The following MAT2B variants were observed in gnomAD, a reference collection of about 807,000 sequenced individuals.
MAT2B encodes the protein methionine adenosyltransferase 2 non-catalytic beta subunit.
MAT2B carries 16 observed loss-of-function variants against 36.1 expected under a neutral mutation model. That is an observed-to-expected ratio of 0.44 (90% CI 0.30 to 0.67). The LOEUF (loss-of-function observed/expected upper bound fraction) is 0.67. Ranked by LOEUF, MAT2B falls within the 30% of genes least tolerant of loss-of-function variation. The pLI is 0.09. For missense variants in MAT2B, 332 were observed against 398.2 expected (o/e 0.83, Z 1.42); for synonymous variants, 148 against 136.9 (o/e 1.08, Z -0.57).
At chr5:163,514,958 A>C (rs1228100145) in intron 4 of MAT2B, among the ~76,000 whole-genome samples, 3 of 152,222 alleles carry the variant, frequency 2.0e-5, no homozygotes, top group Non-Finnish European at 4.4e-5. Flanking sequence ...TGAGAAGTCC[A>C]AGATCAAGGT....
At chr5:163,513,309 G>GT (rs1760079547) in intron 2 of MAT2B, 1 of 354,980 alleles carries the variant, frequency 2.8e-6, no homozygotes, top group Non-Finnish European at 5.2e-6. Flanking sequence ...GTTGTTGACA[G>GT]TTTTTTTCCT....
rs1302988987 is a variant in MAT2B at position 163,518,977 on chromosome 5, T to C, written c.*614T>C. The C allele has an allele frequency of 2.0e-5, 3 of 152,640 alleles. No homozygotes were observed. Among genetic ancestry groups the C allele is most frequent in the African/African-American group, 7.2e-5 (3 of 41,462 alleles). 9.5% of individuals were successfully genotyped at this position (152,640 alleles called of 1,614,324 possible). A position where few individuals can be genotyped will look rare whatever the true frequency, so the allele number is the denominator to read the frequency against. On this transcript the variant is annotated 3_prime_UTR_variant, in exon 7 of 7. Coordinates refer to ENST00000321757, the MANE Select transcript of MAT2B (RefSeq NM_013283.5). ...AGCGTGTGTACATGTATTTTTTTTCTAGGCAAACATTGAATGCAAACGTGT... is the reference window on the plus strand; with the variant it reads ...AGCGTGTGTACATGTATTTTTTTTCCAGGCAAACATTGAATGCAAACGTGT...
chr5:163,503,654 C>T (rs943756765), upstream of MAT2B, among the ~76,000 whole-genome samples: 1 of 152,166 alleles, frequency 6.6e-6, no homozygotes, highest in Admixed American at 6.5e-5. Context: ...GCTGACAATA[C>T]AGAATTGCAC....
intron 2 of MAT2B, 164 bp downstream of exon 2, chr5:163,512,360 C>G: frequency 4.7e-6 from 3 of 633,336 alleles, no homozygotes; most frequent in Middle Eastern, 4.2e-4. Flanking sequence ...ATATGTAAAC[C>G]TTAAAGTTAA....
At position 163,513,563 on chromosome 5, in the gene MAT2B, T is replaced by A. The variant is rs780682504; in HGVS notation, c.267T>A (p.Val89=). ...HHIIHDFQPH[V]IVHCAAERRP... The stretch of plus-strand genomic sequence containing the variant: ...CAATGCTTAACTTCTAGCCCCATGT[T>A]ATAGTACATTGTGCAGCAGAGAGAA... Residue 89 remains valine, a synonymous_variant, in exon 3 of 7, where the codon GTT becomes GTA. Coordinates refer to ENST00000321757, the MANE Select transcript of MAT2B (RefSeq NM_013283.5). 1.3e-5 allele frequency: 21 copies of A among 1,597,066 alleles called. No individual in the cohort carries two copies. In the South Asian group the frequency reaches 2.2e-4, roughly 17 times the overall value.
rs1760177664 is a variant in MAT2B, at chr5:163,518,958, T to C, written c.*595T>C. On this transcript the variant is annotated 3_prime_UTR_variant, in exon 7 of 7. Transcript: ENST00000321757. ...TATGGGGAGCACTTGAAAGAGCGTG[T>C]GTACATGTATTTTTTTTCTAGGCAA... The C allele has an allele frequency of 6.6e-6, 1 of 152,640 alleles. No homozygotes were observed. Among genetic ancestry groups the C allele is most frequent in the South Asian group, 2.1e-4 (1 of 4,836 alleles). 9.5% of individuals were successfully genotyped at this position (152,640 alleles called of 1,614,324 possible).
At chr5:163,509,802 T>C (rs1760010013) in intron 1 of MAT2B, among the ~76,000 whole-genome samples, 1 of 152,216 alleles carries the variant, frequency 6.6e-6, no homozygotes, top group Admixed American at 6.5e-5. Flanking sequence ...AAAGAAAATA[T>C]TTTGTTGGCT....
chr5:163,517,155 T>C (rs1005880072), intron 5 of MAT2B: 6 of 213,128 alleles, frequency 2.8e-5, no homozygotes, highest in Non-Finnish European at 3.7e-5. Context: ...GAGAATTATA[T>C]TTTGTAATAT....
At chr5:163,506,144 C>T (rs567577089) in intron 1 of MAT2B, among the ~76,000 whole-genome samples, 18 of 152,362 alleles carry the variant, frequency 1.2e-4, no homozygotes, top group African/African-American at 3.8e-4. Flanking sequence ...GAAAAGGTGA[C>T]TTCTCACAAA....
At position 163,512,508 on chromosome 5, in the gene MAT2B, T is replaced by C. The variant is rs1357507995; in HGVS notation, c.258+312T>C. 2.9e-5 allele frequency: 12 copies of C among 409,210 alleles called. No homozygotes were observed. In the East Asian group the frequency reaches 6.4e-4, roughly 22 times the overall value. 25.3% of individuals were successfully genotyped at this position (409,210 alleles called of 1,614,324 possible). ...ACCTCACAACACTGCAAAATAGTTA[T>C]TTTCATTTTAGGGCTGAGGGAGCAG... On this transcript the variant is annotated intron_variant, in intron 2 of 6. Transcript: ENST00000321757.
intron 5 of MAT2B, chr5:163,516,918 T>A: frequency 1.6e-6 from 1 of 606,916 alleles, no homozygotes; most frequent in Non-Finnish European, 2.9e-6. Flanking sequence ...TTATTTCTTA[T>A]GTACTATAGA....
In MAT2B at chr5:163,513,613, C is replaced by T. The variant is rs1167879551; in HGVS notation, c.317C>T (p.Pro106Leu). The change falls in exon 3 of 7, where the codon CCA (proline) becomes CTA (leucine). Residue 106 changes from proline to leucine, a missense_variant. Physicochemically the swap from Pro to Leu is moderately conservative, Grantham distance 98. Transcript: ENST00000321757. ...AGACCAGATGTTGTAGAAAATCAGC[C>T]AGATGCTGCCTCTCAACTTAATGTG... ...ERRPDVVENQ[P>L]DAASQLNVDA... 2 of 1,613,986 alleles carry T rather than the reference C, an allele frequency of 1.2e-6. No individual in the cohort carries two copies. The highest frequency in any genetic ancestry group is 1.1e-5 in the South Asian group (1 of 91,078).
intron 1 of MAT2B, among the ~76,000 whole-genome samples, chr5:163,508,924 G>T (rs902890583): frequency 6.6e-6 from 1 of 152,164 alleles, no homozygotes. Flanking sequence ...TATAGGCCGG[G>T]CGTACTGGAG....
upstream of MAT2B, chr5:163,505,387 A>G (rs969090252): frequency 6.5e-6 from 2 of 308,136 alleles, no homozygotes; most frequent in Admixed American, 6.5e-5. Flanking sequence ...AAGCACTCAA[A>G]TAAAATCTCC....
chr5:163,518,329 T>C lies in MAT2B; in HGVS notation c.971T>C (p.Ile324Thr), dbSNP rs192771488. ...AAAGAATCACTTTGGCCTTTCCTCA[T>C]TGACAAGAGATGGAGACAAACGGTC... is the stretch of plus-strand genomic sequence containing the variant. ...GIKESLWPFLIDKRWRQTVFH is the reference protein window; with the variant it reads ...GIKESLWPFLTDKRWRQTVFH Residue 324 changes from isoleucine (I) to threonine (T), a missense_variant, in exon 7 of 7, where the codon ATT becomes ACT. By Grantham distance (89) the Ile-to-Thr change is moderately conservative. Transcript: ENST00000321757. 440 of 1,613,214 alleles carry C rather than the reference T, an allele frequency of 2.7e-4. 4 individuals are homozygous for C. The highest frequency in any genetic ancestry group is 1.2e-3 in the Admixed American group (69 of 59,920).
At position 163,518,030 on chromosome 5, in the gene MAT2B, A is replaced by T. The variant is rs546229016; in HGVS notation, c.835-163A>T. On this transcript the variant is annotated intron_variant, in intron 6 of 6. Transcript: ENST00000321757. ...CACTTTGGGAGGCTGACGCAGGAGG[A>T]TCCCTTGAGCCCAGGAATTTGAGAC... 31 of 541,540 alleles carry T rather than the reference A, an allele frequency of 5.7e-5. No individual in the cohort carries two copies. The South Asian group carries it at 9.5e-4, about 17-fold the overall frequency. The allele number at this position is 541,540 out of a possible 1,614,324, so 33.5% of individuals were successfully genotyped here.
Position 163,513,568 on chromosome 5 carries a change from T to C in MAT2B, c.272T>C (p.Val91Ala). 6.2e-7 allele frequency: 1 copy of C among 1,605,132 alleles called. No homozygotes were observed. The highest frequency in any genetic ancestry group is 8.5e-7 in the Non-Finnish European group (1 of 1,172,230). The part of the protein sequence containing the change: ...IIHDFQPHVI[V>A]HCAAERRPDV... ...CTTAACTTCTAGCCCCATGTTATAG[T>C]ACATTGTGCAGCAGAGAGAAGACCA... The change falls in exon 3 of 7, where the codon GTA becomes GCA. Residue 91 changes from valine to alanine, a missense_variant. Coordinates refer to ENST00000321757, the MANE Select transcript of MAT2B (RefSeq NM_013283.5).
At chr5:163,505,222 GC>G (rs1759907501), upstream of MAT2B, among the ~76,000 whole-genome samples, 3 of 147,490 alleles carry the variant, frequency 2.0e-5, no homozygotes, top group Non-Finnish European at 4.5e-5. Flanking sequence ...ACCCACCTCC[GC>G]CCCCGCCCCC....
chr5:163,512,387 A>G (rs1423681349), intron 2 of MAT2B, 191 bp downstream of exon 2: 5 of 598,172 alleles, frequency 8.4e-6, no homozygotes, highest in Admixed American at 6.0e-5. Flanking sequence ...ACACGCTGAC[A>G]AAGACAAATA....
Sources: gnomAD v4.1 joint callset for allele counts (sites outside exome capture counted in the v4.1 genomes callset) on GRCh38, gnomAD v4.1.1 for gene constraint, MANE v1.5 for transcripts, NCBI Gene and HGNC (gene_info 2026-07-23, HGNC 2026-07-21) for gene names.